ROBO2: variants seen among roughly 807,000 people sequenced by gnomAD.
The protein encoded by ROBO2 is roundabout homolog 2.
Under a neutral mutation model 160.8 loss-of-function variants are expected in ROBO2, and 53 were observed. The observed-to-expected ratio is 0.33, with a 90% CI of 0.26 to 0.41. ROBO2 has a LOEUF of 0.41. Ranked by LOEUF, ROBO2 falls within the 10% of genes least tolerant of loss-of-function variation. The pLI is 1.00. For synonymous variants in ROBO2, 664 were observed against 611.7 expected, an observed-to-expected ratio of 1.09 and a Z score of -1.26; for missense variants, 1,577 against 1,722.4, an observed-to-expected ratio of 0.92 and a Z score of 1.49.
chr3:76,094,675 A>C (rs1335364459), intron 2 of ROBO2, among the ~76,000 whole-genome samples: 1 of 152,214 alleles, frequency 6.6e-6, no homozygotes, highest in Non-Finnish European at 1.5e-5. Flanking sequence ...TGAAATATTC[A>C]AGGAAGGAGA....
intron 2 of ROBO2, among the ~76,000 whole-genome samples, chr3:75,941,380 G>GT (rs1161503101): frequency 9.9e-5 from 15 of 152,166 alleles, no homozygotes; most frequent in Admixed American, 2.6e-4. Flanking sequence ...ATGTCAGTAT[G>GT]TTTTCAAAAG....
chr3:76,668,321 T>G (rs1346456523), intron 2 of ROBO2, among the ~76,000 whole-genome samples: 3 of 151,950 alleles, frequency 2.0e-5, no homozygotes, highest in Non-Finnish European at 4.4e-5. Flanking sequence ...TTACCAGGGC[T>G]TGTCTCAATC....
intron 19 of ROBO2, among the ~76,000 whole-genome samples, chr3:77,597,827 G>A (rs1367609593): frequency 3.3e-5 from 5 of 152,102 alleles, no homozygotes; most frequent in Admixed American, 6.6e-5. Context: ...TATAAAATAC[G>A]AGGAAGCAGA....
intron 2 of ROBO2, among the ~76,000 whole-genome samples, chr3:76,671,462 G>A (rs563488694): frequency 7.2e-5 from 11 of 152,136 alleles, no homozygotes; most frequent in South Asian, 2.1e-4. Context: ...TAACATTTAC[G>A]TTGTCATTTG....
At chr3:76,016,935 A>G (rs1351075225) in intron 2 of ROBO2, among the ~76,000 whole-genome samples, 1 of 152,188 alleles carries the variant, frequency 6.6e-6, no homozygotes, top group Non-Finnish European at 1.5e-5. Flanking sequence ...GGCATAGGAT[A>G]GCAGTGTGTG....
chr3:76,394,554 T>C (rs1403724497), intron 2 of ROBO2, among the ~76,000 whole-genome samples: 1 of 152,116 alleles, frequency 6.6e-6, no homozygotes, highest in Admixed American at 6.6e-5. Context: ...GCCCTTAACA[T>C]TTTTTCCTTC....
chr3:77,135,803 A>C (rs1006218572), intron 2 of ROBO2, among the ~76,000 whole-genome samples: 1 of 152,162 alleles, frequency 6.6e-6, no homozygotes, highest in Admixed American at 6.5e-5. Flanking sequence ...TTTTATTTTA[A>C]TCATTTTCCA....
At chr3:76,947,354 CT>C (rs1331734270) in intron 2 of ROBO2, among the ~76,000 whole-genome samples, 4 of 152,050 alleles carry the variant, frequency 2.6e-5, no homozygotes, top group Non-Finnish European at 5.9e-5. Flanking sequence ...TCAGAATAGT[CT>C]TGTTGGAACA....
At chr3:76,906,985 T>C (rs914460897) in intron 2 of ROBO2, among the ~76,000 whole-genome samples, 6 of 152,204 alleles carry the variant, frequency 3.9e-5, no homozygotes, top group Non-Finnish European at 7.3e-5. Flanking sequence ...CCAACAGGTT[T>C]TCTTCCTCCT....
chr3:76,363,635 G>T (rs2075651445), intron 2 of ROBO2, among the ~76,000 whole-genome samples: 1 of 151,892 alleles, frequency 6.6e-6, no homozygotes, highest in Admixed American at 6.6e-5. Flanking sequence ...GCATATGCTT[G>T]TAAAAAGCCT....
In ROBO2 at chr3:76,702,337, G is replaced by A. The variant is rs141583317; in HGVS notation, c.110-395677G>A. Among the ~76,000 whole-genome samples, 5 of 152,018 alleles carry A rather than the reference G, an allele frequency of 3.3e-5. No individual in the cohort carries two copies. In the East Asian group the frequency reaches 9.6e-4, roughly 29 times the overall value. On this transcript the variant is annotated intron_variant, in intron 2 of 26. Transcript: ENST00000487694. ...AATCTTTCTAACCTATGTATCAAGAGAATTGTTTAAGCATTGAAGAGTTAA... is the reference window on the plus strand; with the variant it reads ...AATCTTTCTAACCTATGTATCAAGAAAATTGTTTAAGCATTGAAGAGTTAA...
At chr3:77,239,348 T>TC (rs1230723356) in intron 2 of ROBO2, among the ~76,000 whole-genome samples, 1 of 152,090 alleles carries the variant, frequency 6.6e-6, no homozygotes, top group African/African-American at 2.4e-5. Context: ...TGTTCATTCC[T>TC]CCCGGTGGGC....
intron 2 of ROBO2, among the ~76,000 whole-genome samples, chr3:76,148,886 A>G (rs1418300927): frequency 1.3e-5 from 2 of 151,960 alleles, no homozygotes; most frequent in African/African-American, 2.4e-5. Flanking sequence ...TATTCCATCT[A>G]TAGTTACTTT....
rs766815875 is a variant in ROBO2, at chr3:77,602,130, T to G, written c.2855-80T>G. On this transcript the variant is annotated intron_variant, in intron 19 of 25. Transcript: ENST00000461745. ...AATGCAAACGTGCAGTGTGACACAC[T>G]TATTTTTCATCTTCAGTCCTGATAG... 1.0e-4 allele frequency: 145 copies of G among 1,423,644 alleles called. 1 individual carries two copies. The highest frequency in any genetic ancestry group is 1.4e-4 in the Non-Finnish European group (138 of 1,007,508). 88.2% of individuals were successfully genotyped at this position (1,423,644 alleles called of 1,614,324 possible).
At chr3:77,138,342 C>T (rs761666335) in intron 2 of ROBO2, among the ~76,000 whole-genome samples, 51 of 152,118 alleles carry the variant, frequency 3.4e-4, no homozygotes, top group Non-Finnish European at 4.4e-5. Flanking sequence ...TTCCACCACA[C>T]GTTGTTAATT....
chr3:77,457,624 T>A (rs905635432), intron 2 of ROBO2, among the ~76,000 whole-genome samples: 7 of 152,148 alleles, frequency 4.6e-5, no homozygotes, highest in Non-Finnish European at 8.8e-5. Flanking sequence ...TTGCTACAAA[T>A]CTCGACCCTT....
intron 2 of ROBO2, chr3:77,317,114 C>A (rs770544097): frequency 2.1e-5 from 27 of 1,276,124 alleles, no homozygotes; most frequent in Non-Finnish European, 3.0e-5. Flanking sequence ...CTCTGGGTCA[C>A]TCAGGAAGGA....
chr3:77,418,246 T>C (rs550615667), intron 2 of ROBO2, among the ~76,000 whole-genome samples: 1 of 152,282 alleles, frequency 6.6e-6, no homozygotes, highest in Non-Finnish European at 1.5e-5. Flanking sequence ...ATAGGTACTT[T>C]GCTTGAGCAA....
chr3:76,312,373 C>T (rs2071651191), intron 2 of ROBO2, among the ~76,000 whole-genome samples: 1 of 152,110 alleles, frequency 6.6e-6, no homozygotes, highest in African/African-American at 2.4e-5. Flanking sequence ...TAAAAATGTA[C>T]CACAATATCT....
Sources: gnomAD v4.1 joint callset for allele counts (sites outside exome capture counted in the v4.1 genomes callset) on GRCh38, gnomAD v4.1.1 for gene constraint, MANE v1.5 for transcripts, NCBI Gene and HGNC (gene_info 2026-07-23, HGNC 2026-07-21) for gene names.